Variants in USB1 observed in about 807,000 individuals in gnomAD.
The protein encoded by USB1 is U6 snRNA phosphodiesterase 1.
A neutral mutation model predicts 29.9 loss-of-function variants in USB1; 21 were observed. The ratio of observed to expected loss-of-function variants is 0.70; its 90% CI spans 0.50 to 1.01. The LOEUF (loss-of-function observed/expected upper bound fraction) is 1.01, where lower values mean the gene tolerates loss of function less well. Ranked by LOEUF, USB1 falls within the 50% of genes least tolerant of loss-of-function variation. The probability of loss-of-function intolerance (pLI) is 0.00; values close to 1 mark genes in which losing one functional copy is unlikely to be tolerated. For missense variants in USB1, 330 were observed against 347.1 expected (o/e 0.95, Z 0.39); for synonymous variants, 143 against 134.9 (o/e 1.06, Z -0.42).
In USB1 at chr16:58,019,006, T is replaced by TG; in HGVS notation, c.647dup (p.Asp217Ter). 3.7e-6 allele frequency: 6 copies of TG among 1,614,096 alleles called. No homozygotes were observed. Among genetic ancestry groups the TG allele is most frequent in the Non-Finnish European group, 5.1e-6 (6 of 1,180,018 alleles). ...TTCCACCTCAGCCTGGCCTGGTGTG[T>TG]GGGTGATGCACGTCTCCAGCTGGAG... On this transcript the variant is annotated frameshift_variant, in exon 6 of 7. Coordinates refer to ENST00000219281, the MANE Select transcript of USB1 (RefSeq NM_024598.4). LOFTEE classifies it high-confidence loss of function.
chr16:58,012,239 A>G, intron 3 of USB1: 1 of 1,529,908 alleles, frequency 6.5e-7, no homozygotes, highest in Non-Finnish European at 8.7e-7. Flanking sequence ...CTCATCTCTC[A>G]ACCTAGTCCA....
chr16:58,010,463 A>G (rs1469204269), intron 3 of USB1, among the ~76,000 whole-genome samples: 1 of 152,128 alleles, frequency 6.6e-6, no homozygotes, highest in Non-Finnish European at 1.5e-5. Flanking sequence ...ATCGAACTCA[A>G]TTCTGACACT....
chr16:58,005,194 A>G (rs939885610), intron 2 of USB1, among the ~76,000 whole-genome samples: 2 of 152,184 alleles, frequency 1.3e-5, no homozygotes, highest in African/African-American at 4.8e-5. Context: ...ACTGAAGCAC[A>G]GCATCACAGG....
chr16:58,003,736 G>A (rs1963287132), intron 2 of USB1, among the ~76,000 whole-genome samples: 1 of 151,840 alleles, frequency 6.6e-6, no homozygotes, highest in Non-Finnish European at 1.5e-5. Flanking sequence ...AATCATTTTT[G>A]TTTATTAATA....
intron 2 of USB1, among the ~76,000 whole-genome samples, chr16:58,007,865 C>A (rs1277512609): frequency 6.6e-6 from 1 of 152,046 alleles, no homozygotes; most frequent in African/African-American, 2.4e-5. Context: ...TGCCTGTAAT[C>A]CCAGCTACTC....
intron 6 of USB1, 67 bp downstream of exon 6, chr16:58,019,122 G>A: frequency 3.3e-6 from 5 of 1,536,770 alleles, no homozygotes; most frequent in Middle Eastern, 1.7e-4. Context: ...ATGCTGGAGA[G>A]GGGGAGGATG....
At chr16:58,020,016 G>T in intron 6 of USB1, 125 bp from the exon 7 acceptor site, 1 of 834,986 alleles carries the variant, frequency 1.2e-6, no homozygotes. Flanking sequence ...CCAATGCAGA[G>T]CCTGGAGCCT....
intron 2 of USB1, among the ~76,000 whole-genome samples, chr16:58,003,568 G>A (rs117648798): frequency 0.01 from 1,587 of 152,302 alleles, 14 homozygotes; most frequent in Admixed American, 0.022. Flanking sequence ...TAATAGGTGT[G>A]TAGCAATATG....
rs1469676009 is a variant in USB1 at position 58,013,435 on chromosome 16, T to G, written c.450-838T>G. Reference sequence around the variant, plus strand: ...CAGCATGCTGGTATATTATGTTCCCTCAGATGGGGGTGAGACCCTTGGCCT... The same window carrying G: ...CAGCATGCTGGTATATTATGTTCCCGCAGATGGGGGTGAGACCCTTGGCCT... On this transcript the variant is annotated intron_variant, in intron 3 of 6. Coordinates refer to ENST00000219281, the MANE Select transcript of USB1 (RefSeq NM_024598.4). The surrounding 1 kb of genome is among the most constrained non-coding windows in gnomAD (Gnocchi z 4.3). The G allele has an allele frequency of 6.1e-6, 6 of 985,340 alleles. No individual in the cohort carries two copies. The African/African-American group carries it at 1.0e-4, about 17-fold the overall frequency. The allele number at this position is 985,340 out of a possible 1,614,324, so 61.0% of individuals were successfully genotyped here. A position where few individuals can be genotyped will look rare whatever the true frequency, so the allele number is the denominator to read the frequency against.
rs906074889 is a variant in USB1 at position 58,001,430 on chromosome 16, G to C, written c.-54G>C. Reference sequence around the variant, plus strand: ...GCGCTTCCGGCACAGCGGAACTCCGGGTGCCGGTTGAGGTTGCTGGTGGAC... The same window carrying C: ...GCGCTTCCGGCACAGCGGAACTCCGCGTGCCGGTTGAGGTTGCTGGTGGAC... On this transcript the variant is annotated 5_prime_UTR_variant, in exon 1 of 7. Transcript: ENST00000219281. 6 of 1,552,150 alleles carry C rather than the reference G, an allele frequency of 3.9e-6. No individual in the cohort carries two copies. Among genetic ancestry groups the C allele is most frequent in the Middle Eastern group, 1.8e-4 (1 of 5,510 alleles).
intron 2 of USB1, among the ~76,000 whole-genome samples, chr16:58,008,050 G>A (rs556375242): frequency 1.5e-4 from 23 of 152,180 alleles, no homozygotes; most frequent in African/African-American, 5.3e-4. Context: ...TTCTTCTTTT[G>A]TGAGTTTTAG....
chr16:58,017,530 G>A, intron 5 of USB1, 91 bp downstream of exon 5: 1 of 1,189,378 alleles, frequency 8.4e-7, no homozygotes, highest in Non-Finnish European at 1.2e-6. Flanking sequence ...GCAAACCGAA[G>A]ACCCTTCAGA....
At chr16:58,001,618 A>G (rs1963196034) in intron 1 of USB1, 37 bp downstream of exon 1, 2 of 1,572,182 alleles carry the variant, frequency 1.3e-6, no homozygotes, top group Non-Finnish European at 1.7e-6. Context: ...GGGCGCGCGC[A>G]TTCACCCTAG....
chr16:58,008,453 CTT>C (rs56262437), intron 2 of USB1, among the ~76,000 whole-genome samples: 194 of 115,160 alleles, frequency 1.7e-3, no homozygotes, highest in East Asian at 0.016. Context: ...TTTTCTTTTT[CTT>C]TTTTTTTTTT....
At chr16:58,017,771 T>G (rs936201074) in intron 5 of USB1, among the ~76,000 whole-genome samples, 3 of 152,232 alleles carry the variant, frequency 2.0e-5, no homozygotes, top group Admixed American at 2.0e-4. Flanking sequence ...AGATTGACCC[T>G]CAGAGAGGAG....
chr16:58,009,371 C>T (rs1796950489), intron 2 of USB1, among the ~76,000 whole-genome samples: 1 of 152,188 alleles, frequency 6.6e-6, no homozygotes, highest in South Asian at 2.1e-4. Context: ...TCTGATAAAA[C>T]ACTTTCAGGT....
upstream of USB1, chr16:58,001,303 G>C: frequency 1.4e-6 from 1 of 724,594 alleles, no homozygotes; most frequent in Non-Finnish European, 2.3e-6. Flanking sequence ...CCGGCAGACA[G>C]CTTGGAGTCG....
At chr16:58,000,263 G>T (rs1488344007), upstream of USB1, 4 of 152,032 alleles carry the variant, frequency 2.6e-5, no homozygotes, top group African/African-American at 7.2e-5. The surrounding 1 kb of genome is among the most constrained non-coding windows in gnomAD (Gnocchi z 4.5). Flanking sequence ...TCGAGGCCCG[G>T]CCTGGGCCGC....
chr16:58,012,179 G>A, intron 3 of USB1: 1 of 1,462,314 alleles, frequency 6.8e-7, no homozygotes, highest in South Asian at 1.4e-5. Flanking sequence ...GCCAGAGGAG[G>A]ACAGGATTTG....
Sources: gnomAD v4.1 joint callset for allele counts (sites outside exome capture counted in the v4.1 genomes callset) on GRCh38, gnomAD v4.1.1 for gene constraint, Gnocchi (gnomAD v3.1) non-coding constraint, MANE v1.5 for transcripts, NCBI Gene and HGNC (gene_info 2026-07-23, HGNC 2026-07-21) for gene names.